The following CACNA2D3 variants were observed in gnomAD, a reference collection of about 807,000 sequenced individuals.
The protein encoded by CACNA2D3 is calcium voltage-gated channel auxiliary subunit alpha2delta 3, also known as voltage-dependent calcium channel subunit alpha-2/delta-3.
CACNA2D3 carries 60 observed loss-of-function variants against 160.6 expected under a neutral mutation model. That is an observed-to-expected ratio of 0.37 (90% CI 0.30 to 0.46). The LOEUF (loss-of-function observed/expected upper bound fraction) is 0.46. Among genes scored for constraint, CACNA2D3 ranks in the 20% least tolerant of loss-of-function variants. The probability of loss-of-function intolerance (pLI) is 1.00; values close to 1 mark genes in which losing one functional copy is unlikely to be tolerated. For missense variants in CACNA2D3, 1,205 were observed against 1,365.0 expected, an observed-to-expected ratio of 0.88 and a Z score of 1.85; for synonymous variants, 558 against 492.9, an observed-to-expected ratio of 1.13 and a Z score of -1.75.
chr3:55,058,555 G>C (rs1360176600), intron 35 of CACNA2D3, among the ~76,000 whole-genome samples: 1 of 151,966 alleles, frequency 6.6e-6, no homozygotes, highest in Non-Finnish European at 1.5e-5. Context: ...AGTTTCTCTG[G>C]TGGTCAGCAA....
At chr3:54,900,130 C>G (rs1044132420) in intron 27 of CACNA2D3, among the ~76,000 whole-genome samples, 3 of 152,272 alleles carry the variant, frequency 2.0e-5, no homozygotes, top group South Asian at 2.1e-4. Context: ...TCAGTACTTG[C>G]CGAGGAGAAT....
chr3:54,365,773 G>T (rs1232750496), intron 3 of CACNA2D3, among the ~76,000 whole-genome samples: 1 of 152,220 alleles, frequency 6.6e-6, no homozygotes, highest in Non-Finnish European at 1.5e-5. Context: ...TGAGGCAGGA[G>T]AATCACTTGA....
chr3:54,196,167 A>T (rs970077050), intron 2 of CACNA2D3, among the ~76,000 whole-genome samples: 1 of 152,266 alleles, frequency 6.6e-6, no homozygotes, highest in Non-Finnish European at 1.5e-5. Context: ...GTCTACTGAA[A>T]TACGTATTAC....
intron 3 of CACNA2D3, among the ~76,000 whole-genome samples, chr3:54,339,492 A>T (rs1704468610): frequency 1.3e-5 from 2 of 152,132 alleles, no homozygotes; most frequent in South Asian, 4.1e-4. Flanking sequence ...GTCAGTATTT[A>T]AAATTACCTT....
intron 11 of CACNA2D3, among the ~76,000 whole-genome samples, chr3:54,705,070 C>T (rs755464283): frequency 6.6e-6 from 1 of 152,038 alleles, no homozygotes; most frequent in Admixed American, 6.6e-5. Context: ...GTCTTCCTGC[C>T]TGATTATTTC....
At chr3:54,172,640 CTG>C (rs1349058478) in intron 2 of CACNA2D3, among the ~76,000 whole-genome samples, 1 of 152,176 alleles carries the variant, frequency 6.6e-6, no homozygotes, top group Admixed American at 6.5e-5. Flanking sequence ...AAACATGAAA[CTG>C]TTGATATTTC....
chr3:54,291,559 A>T (rs1383880444), intron 2 of CACNA2D3, among the ~76,000 whole-genome samples: 1 of 152,170 alleles, frequency 6.6e-6, no homozygotes, highest in East Asian at 1.9e-4. Flanking sequence ...TAAAAAAGGT[A>T]AGTGTTAATT....
Position 54,141,086 on chromosome 3 carries a change from T to C in CACNA2D3, c.204+17492T>C, listed in dbSNP as rs537858256. On this transcript the variant is annotated intron_variant, in intron 2 of 37. Coordinates refer to ENST00000474759, the MANE Select transcript of CACNA2D3 (RefSeq NM_018398.3). ...CTGTGTGTGTGTGTGTGTGTGTGTG[T>C]GCGCGCGCGCGCGTGTGTGCATGCA... 2.4e-3 allele frequency among the ~76,000 whole-genome samples: 293 copies of C among 119,874 alleles called. 1 individual carries two copies. Among genetic ancestry groups the C allele is most frequent in the Middle Eastern group, 0.014 (3 of 216 alleles). 78.6% of individuals were successfully genotyped at this position (119,874 alleles called of 152,430 possible).
intron 9 of CACNA2D3, among the ~76,000 whole-genome samples, chr3:54,612,656 T>C (rs1033990521): frequency 6.6e-6 from 1 of 152,204 alleles, no homozygotes; most frequent in Admixed American, 6.5e-5. Flanking sequence ...ATTATACTCA[T>C]GAAATCTACT....
intron 8 of CACNA2D3, among the ~76,000 whole-genome samples, chr3:54,578,940 T>C (rs1296867097): frequency 2.0e-5 from 3 of 152,134 alleles, no homozygotes; most frequent in Non-Finnish European, 1.5e-5. Flanking sequence ...GGTGAATTAG[T>C]GTATTCTTAT....
At chr3:54,916,471 A>G (rs925899625) in intron 27 of CACNA2D3, among the ~76,000 whole-genome samples, 1 of 152,094 alleles carries the variant, frequency 6.6e-6, no homozygotes, top group Non-Finnish European at 1.5e-5. Context: ...TCTTTCTTTG[A>G]TCTACAATTT....
intron 11 of CACNA2D3, among the ~76,000 whole-genome samples, chr3:54,655,828 C>T (rs1699866858): frequency 6.6e-6 from 1 of 152,164 alleles, no homozygotes; most frequent in Admixed American, 6.5e-5. Flanking sequence ...AAAGTAGTGT[C>T]ACTTTTATAT....
chr3:54,791,593 ATTAGAATGAGAAAAC>A (rs1266497148), intron 13 of CACNA2D3, among the ~76,000 whole-genome samples: 6 of 152,234 alleles, frequency 3.9e-5, no homozygotes, highest in African/African-American at 1.4e-4. Flanking sequence ...GTTTATGCTC[ATTAGAATGAGAAAAC>A]TGTTGGTTTA....
At chr3:54,717,763 T>C (rs1310247597) in intron 11 of CACNA2D3, among the ~76,000 whole-genome samples, 3 of 125,726 alleles carry the variant, frequency 2.4e-5, no homozygotes, top group African/African-American at 5.9e-5. Context: ...TGTGCAAGCG[T>C]GTGTGTGGTG....
chr3:54,465,566 C>G (rs1238763842), intron 4 of CACNA2D3, among the ~76,000 whole-genome samples: 2 of 152,124 alleles, frequency 1.3e-5, no homozygotes, highest in Non-Finnish European at 2.9e-5. Flanking sequence ...GTCTACTGTA[C>G]TCTTGGTTTA....
intron 11 of CACNA2D3, among the ~76,000 whole-genome samples, chr3:54,652,047 G>A (rs1481001818): frequency 1.3e-5 from 2 of 151,738 alleles, no homozygotes; most frequent in Non-Finnish European, 3.0e-5. Flanking sequence ...AGAGGAGAAG[G>A]GATTTGCCCA....
At chr3:54,797,341 T>C (rs974709402) in intron 13 of CACNA2D3, among the ~76,000 whole-genome samples, 1 of 152,194 alleles carries the variant, frequency 6.6e-6, no homozygotes, top group Non-Finnish European at 1.5e-5. Flanking sequence ...AAGAACACAA[T>C]GATGAACCTG....
intron 13 of CACNA2D3, among the ~76,000 whole-genome samples, chr3:54,768,478 C>T (rs1702260998): frequency 6.6e-6 from 1 of 152,104 alleles, no homozygotes; most frequent in South Asian, 2.1e-4. Flanking sequence ...TAATTACATA[C>T]AGATATAGGA....
intron 16 of CACNA2D3, among the ~76,000 whole-genome samples, chr3:54,844,749 G>A (rs1326734151): frequency 6.6e-6 from 1 of 152,170 alleles, no homozygotes; most frequent in Non-Finnish European, 1.5e-5. Context: ...TAAGAGTACA[G>A]GCATTAAGAG....
Sources: gnomAD v4.1 joint callset for allele counts (sites outside exome capture counted in the v4.1 genomes callset) on GRCh38, gnomAD v4.1.1 for gene constraint, MANE v1.5 for transcripts, NCBI Gene and HGNC (gene_info 2026-07-23, HGNC 2026-07-21) for gene names.